Variants in COL17A1 observed in about 807,000 individuals in gnomAD.
COL17A1 encodes the protein collagen type XVII alpha 1 chain.
COL17A1 carries 181 observed loss-of-function variants against 218.4 expected under a neutral mutation model. The ratio of observed to expected loss-of-function variants is 0.83; its 90% CI spans 0.73 to 0.94. The LOEUF is 0.94. Among genes scored for constraint, COL17A1 ranks in the 40% least tolerant of loss-of-function variants. The pLI is 0.00. For synonymous variants in COL17A1, 721 were observed against 731.0 expected (o/e 0.99, Z 0.22); for missense variants, 1,924 against 1,945.9 (o/e 0.99, Z 0.21).
chr10:104,062,128 T>C, intron 12 of COL17A1, 130 bp downstream of exon 12: 1 of 1,380,466 alleles, frequency 7.2e-7, no homozygotes, highest in Non-Finnish European at 1.0e-6. Flanking sequence ...ATTGATATCT[T>C]GAGTGTTGTG....
chr10:104,037,372 C>T (rs1211472527), intron 46 of COL17A1, among the ~76,000 whole-genome samples: 1 of 151,292 alleles, frequency 6.6e-6, no homozygotes, highest in African/African-American at 2.4e-5. Flanking sequence ...AACCTTCATG[C>T]ACAGGTGGGA....
intron 5 of COL17A1, among the ~76,000 whole-genome samples, chr10:104,075,719 C>T (rs1046191131): frequency 6.6e-6 from 1 of 152,232 alleles, no homozygotes; most frequent in Admixed American, 6.5e-5. Flanking sequence ...ATCTGAGTCC[C>T]TCAAACCTTT....
At chr10:104,035,603 G>T in intron 48 of COL17A1, 40 bp from the exon 49 acceptor site, 1 of 1,508,518 alleles carries the variant, frequency 6.6e-7, no homozygotes, top group Non-Finnish European at 9.2e-7. Context: ...GGGGGAGGCA[G>T]ATGGAAACAC....
chr10:104,046,835 AC>A (rs1437608744), intron 31 of COL17A1, 62 bp from the exon 32 acceptor site: 1 of 1,521,444 alleles, frequency 6.6e-7, no homozygotes, highest in Non-Finnish European at 9.1e-7. Context: ...TGGTAGCCAC[AC>A]CCACACCTGC....
At chr10:104,038,357 T>C (rs1454595991) in intron 45 of COL17A1, 49 bp downstream of exon 45, 2 of 1,612,168 alleles carry the variant, frequency 1.2e-6, no homozygotes, top group Non-Finnish European at 1.7e-6. Flanking sequence ...GCAAAGAGAC[T>C]GTATCTCCAT....
intron 52 of COL17A1, among the ~76,000 whole-genome samples, chr10:104,033,728 GC>G (rs2086240476): frequency 1.3e-5 from 2 of 152,134 alleles, no homozygotes; most frequent in Admixed American, 6.5e-5. Flanking sequence ...AAAGTACAAA[GC>G]CCCCAGCGTG....
chr10:104,078,599 A>G lies in COL17A1; in HGVS notation c.53-13T>C, dbSNP rs2086732735. 6.2e-7 allele frequency: 1 copy of G among 1,614,020 alleles called. No individual in the cohort carries two copies. On this transcript the variant is annotated splice_polypyrimidine_tract_variant and intron_variant, in intron 2 of 55. Transcript: ENST00000648076. ...GTTTCAGTGACAACTAGAAAAAGAC[A>G]AAGAAAAGATGAGTTCTTATGTAAT... is the stretch of plus-strand genomic sequence containing the variant.
intron 12 of COL17A1, 124 bp downstream of exon 12, chr10:104,062,134 T>C: frequency 1.4e-6 from 2 of 1,421,444 alleles, no homozygotes; most frequent in Non-Finnish European, 2.0e-6. Context: ...ATCTTGAGTG[T>C]TGTGTCTTTG....
At chr10:104,033,406 G>C in intron 52 of COL17A1, 31 bp from the exon 53 acceptor site, 1 of 1,606,584 alleles carries the variant, frequency 6.2e-7, no homozygotes, top group Non-Finnish European at 8.5e-7. Flanking sequence ...GGCACAGGAA[G>C]CAGGGATCTC....
At chr10:104,059,168 T>C (rs991485362) in intron 15 of COL17A1, 2 of 219,810 alleles carry the variant, frequency 9.1e-6, no homozygotes, top group East Asian at 1.1e-4. Flanking sequence ...CATTTGAAAA[T>C]GTTCTATGAC....
intron 1 of COL17A1, among the ~76,000 whole-genome samples, chr10:104,084,026 A>G (rs879429475): frequency 7.9e-5 from 12 of 152,226 alleles, no homozygotes; most frequent in Non-Finnish European, 1.3e-4. Flanking sequence ...AGGAAAGCCA[A>G]TGCCCTGGAA....
Position 104,037,075 on chromosome 10 carries a change from A to G in COL17A1, c.3247T>C (p.Ser1083Pro), listed in dbSNP as rs549342922. The change falls in exon 47 of 56, where the codon TCT becomes CCT. Residue 1083 changes from serine (S) to proline (P), a missense_variant. Ser to Pro is a moderately conservative substitution (Grantham distance 74, BLOSUM62 -1). Transcript: ENST00000648076. ...AGCACAGCCAGAATGTCTTCAGAAG[A>G]GATGGAGGACGAGAACAAGCTGACA... is the stretch of plus-strand genomic sequence containing the variant. Reference protein sequence around the residue: ...YGVSLFSSSISSEDILAVLQR... With the variant: ...YGVSLFSSSIPSEDILAVLQR... 1.9e-5 allele frequency: 31 copies of G among 1,608,038 alleles called. No individual in the cohort carries two copies. Among genetic ancestry groups the G allele is most frequent in the East Asian group, 1.8e-4 (8 of 44,816 alleles).
At chr10:104,075,662 TC>T (rs1382687849) in intron 5 of COL17A1, among the ~76,000 whole-genome samples, 2 of 152,224 alleles carry the variant, frequency 1.3e-5, no homozygotes, top group African/African-American at 4.8e-5. Flanking sequence ...CTCTGTGGCT[TC>T]CCATTGCATA....
chr10:104,066,376 T>TA (rs2086626244), intron 9 of COL17A1, among the ~76,000 whole-genome samples: 1 of 152,202 alleles, frequency 6.6e-6, no homozygotes, highest in African/African-American at 2.4e-5. Context: ...CAAAAAATGA[T>TA]AAAGTATTGC....
At chr10:104,049,549 C>G (rs916989333) in intron 28 of COL17A1, 78 bp from the exon 29 acceptor site, 23 of 1,486,450 alleles carry the variant, frequency 1.5e-5, no homozygotes, top group Non-Finnish European at 2.1e-5. Flanking sequence ...GCTCCCTCCT[C>G]CAAGAGGTCA....
Position 104,034,611 on chromosome 10 carries a change from G to T in COL17A1, c.3766+10C>A. 6.2e-6 allele frequency: 10 copies of T among 1,608,586 alleles called. No homozygotes were observed. Among genetic ancestry groups the T allele is most frequent in the Non-Finnish European group, 8.5e-6 (10 of 1,177,580 alleles). On this transcript the variant is annotated intron_variant, in intron 51 of 55. Transcript: ENST00000648076. ...GGTGCCTGGTGGGGCATCACCGTCGGGGCACCTACTTGTGAGGTAGCTGAT... is the reference window on the plus strand; with the variant it reads ...GGTGCCTGGTGGGGCATCACCGTCGTGGCACCTACTTGTGAGGTAGCTGAT...
In COL17A1 at chr10:104,032,475, C is replaced by A. The variant is rs1774568; in HGVS notation, c.4439-185G>T. Among the ~76,000 whole-genome samples the A allele has an allele frequency of 1.2e-4, 18 of 152,366 alleles. 1 individual carries two copies. The South Asian group carries it at 3.7e-3, about 32-fold the overall frequency. On this transcript the variant is annotated intron_variant, in intron 55 of 55. Transcript: ENST00000648076. ...ACCAGCTTGGTTCTCCTTTTCCTCC[C>A]TGCTTTGACACTCTCCTTTTCTTCC... is the stretch of plus-strand genomic sequence containing the variant.
In COL17A1 at chr10:104,035,879, A is replaced by T. The variant is rs1317744184; in HGVS notation, c.3419-316T>A. Reference sequence around the variant, plus strand: ...ATGGGAGTGTATGGGAGTGTGCGTGAGTACTGGAGTGTATGGGAGCGTGTG... The same window carrying T: ...ATGGGAGTGTATGGGAGTGTGCGTGTGTACTGGAGTGTATGGGAGCGTGTG... On this transcript the variant is annotated intron_variant, in intron 48 of 55. Transcript: ENST00000648076. 1.9e-3 allele frequency among the ~76,000 whole-genome samples: 9 copies of T among 4,674 alleles called. 1 individual carries two copies. Among genetic ancestry groups the T allele is most frequent in the Non-Finnish European group, 2.9e-3 (6 of 2,088 alleles). The allele number at this position is 4,674 out of a possible 152,430, so 3.1% of individuals were successfully genotyped here. A position where few individuals can be genotyped will look rare whatever the true frequency, so the allele number is the denominator to read the frequency against.
intron 32 of COL17A1, 140 bp downstream of exon 32, chr10:104,046,607 C>A: frequency 1.3e-6 from 1 of 791,464 alleles, no homozygotes. Flanking sequence ...GTGCTTCTCA[C>A]GACTCATAGT....
Sources: allele counts gnomAD v4.1 joint callset (sites outside exome capture counted in the v4.1 genomes callset), GRCh38; gene constraint gnomAD v4.1.1; transcripts MANE v1.5; gene names NCBI Gene and HGNC (gene_info 2026-07-23, HGNC 2026-07-21).